MGST3: variants seen among roughly 807,000 people sequenced by gnomAD.
MGST3 encodes the protein glutathione S-transferase 3, mitochondrial.
Under a neutral mutation model 15.8 loss-of-function variants are expected in MGST3, and 13 were observed. That is an observed-to-expected ratio of 0.82 (90% CI 0.54 to 1.31). The LOEUF (loss-of-function observed/expected upper bound fraction) is 1.31, where lower values mean the gene tolerates loss of function less well. Ranked by LOEUF, MGST3 falls within the 50% of genes most tolerant of loss-of-function variation. The probability of loss-of-function intolerance (pLI) is 0.00; values close to 1 mark genes in which losing one functional copy is unlikely to be tolerated. For synonymous variants in MGST3, 49 were observed against 68.1 expected (o/e 0.72, Z 1.38); for missense variants, 155 against 192.4 (o/e 0.81, Z 1.15).
At chr1:165,647,964 G>C (rs1648452612) in intron 1 of MGST3, 1 of 152,222 alleles carries the variant, frequency 6.6e-6, no homozygotes, top group Non-Finnish European at 1.5e-5. Context: ...TTAGGTGGCA[G>C]CTTTATTTTA....
At chr1:165,635,146 G>A (rs1648073448) in intron 1 of MGST3, among the ~76,000 whole-genome samples, 1 of 151,978 alleles carries the variant, frequency 6.6e-6, no homozygotes, top group Admixed American at 6.6e-5. Context: ...AACATCCAGT[G>A]GGTTGTCCCT....
chr1:165,651,325 C>A, intron 3 of MGST3: 1 of 565,084 alleles, frequency 1.8e-6, no homozygotes, highest in Non-Finnish European at 3.2e-6. Context: ...TTCATGGTTG[C>A]ATTACCTACT....
intron 1 of MGST3, chr1:165,632,271 G>T: frequency 6.2e-7 from 1 of 1,612,682 alleles, no homozygotes; most frequent in South Asian, 1.1e-5. Flanking sequence ...TTCCGGCTCT[G>T]CAGGTATGTG....
chr1:165,645,476 A>AT (rs559548562), intron 1 of MGST3, among the ~76,000 whole-genome samples: 1,709 of 151,348 alleles, frequency 0.011, 31 homozygotes, highest in African/African-American at 0.039. Context: ...TACAGTTAAC[A>AT]TTTTTTTTTA....
At chr1:165,632,762 T>A (rs896997733) in intron 1 of MGST3, among the ~76,000 whole-genome samples, 4 of 152,160 alleles carry the variant, frequency 2.6e-5, no homozygotes, top group Admixed American at 6.5e-5. Context: ...TTTCTTCCTG[T>A]TGGCTTAGAG....
At chr1:165,634,770 T>TCCCCCTCCCTCTCCCTCC (rs1648058070) in intron 1 of MGST3, among the ~76,000 whole-genome samples, 2 of 24,768 alleles carry the variant, frequency 8.1e-5, no homozygotes, top group Admixed American at 5.0e-4. Context: ...CCTCCCTCTC[T>TCCCCCTCCCTCTCCCTCC]CTCCCTCCCT....
intron 1 of MGST3, among the ~76,000 whole-genome samples, chr1:165,634,814 G>A (rs1378041164): frequency 4.8e-5 from 1 of 20,948 alleles, no homozygotes; most frequent in East Asian, 1.5e-3. Flanking sequence ...TCTCAACTGT[G>A]TATTCTAGAG....
chr1:165,644,843 C>T (rs9333447), intron 1 of MGST3, among the ~76,000 whole-genome samples: 4,784 of 152,238 alleles, frequency 0.031, 117 homozygotes, highest in Non-Finnish European at 0.043. Context: ...ACTGCAACCT[C>T]CACCTCCCGG....
chr1:165,635,035 T>C (rs1648070413), intron 1 of MGST3, among the ~76,000 whole-genome samples: 1 of 151,990 alleles, frequency 6.6e-6, no homozygotes, highest in East Asian at 1.9e-4. Context: ...TAATGCATTA[T>C]GAGATGTTGT....
intron 1 of MGST3, among the ~76,000 whole-genome samples, chr1:165,645,120 T>C (rs892944486): frequency 4.6e-5 from 7 of 152,094 alleles, no homozygotes; most frequent in African/African-American, 1.7e-4. Flanking sequence ...TTTAAATACT[T>C]TTTTTATTTT....
At chr1:165,644,547 C>T (rs1168666681) in intron 1 of MGST3, among the ~76,000 whole-genome samples, 1 of 152,162 alleles carries the variant, frequency 6.6e-6, no homozygotes. Flanking sequence ...AGGCCTAGGG[C>T]ATTTCTGTAC....
chr1:165,651,198 T>A (rs1186467761), intron 3 of MGST3, 111 bp downstream of exon 3: 1 of 891,992 alleles, frequency 1.1e-6, no homozygotes, highest in Non-Finnish European at 1.9e-6. Flanking sequence ...ATGGTGACAA[T>A]CATGGGCACC....
In MGST3 at chr1:165,632,386, C is replaced by A. The variant is rs9333380; in HGVS notation, c.-8+1093C>A. 1.1e-3 allele frequency: 1,287 copies of A among 1,190,006 alleles called. 27 individuals carry two copies. The East Asian group carries it at 0.027, about 25-fold the overall frequency. The allele number at this position is 1,190,006 out of a possible 1,614,324, so 73.7% of individuals were successfully genotyped here. The stretch of plus-strand genomic sequence containing the variant: ...GGGAAATCTGTAGATCACCTGGAGC[C>A]AGCAGTTCTGGGAGGCACCCCAGGT... On this transcript the variant is annotated intron_variant, in intron 1 of 5. Transcript: ENST00000367889.
intron 1 of MGST3, among the ~76,000 whole-genome samples, chr1:165,637,445 C>T (rs1648143128): frequency 6.6e-6 from 1 of 152,246 alleles, no homozygotes; most frequent in South Asian, 2.1e-4. Context: ...TAAAGCCTGC[C>T]TTTTGCTTTG....
At chr1:165,640,670 C>T (rs1010550635) in intron 1 of MGST3, among the ~76,000 whole-genome samples, 1 of 152,178 alleles carries the variant, frequency 6.6e-6, no homozygotes, top group Non-Finnish European at 1.5e-5. Context: ...AGTTTGAGAA[C>T]CACTGATCTA....
chr1:165,642,197 A>G (rs1035134586), intron 1 of MGST3, among the ~76,000 whole-genome samples: 2 of 152,220 alleles, frequency 1.3e-5, no homozygotes, highest in Non-Finnish European at 2.9e-5. Context: ...TAAAGAACCA[A>G]CCTCTGGCTG....
intron 1 of MGST3, among the ~76,000 whole-genome samples, chr1:165,641,872 G>C (rs1247601636): frequency 6.6e-6 from 1 of 152,120 alleles, no homozygotes; most frequent in Non-Finnish European, 1.5e-5. Flanking sequence ...CCTTAAATAA[G>C]TGACAAAAAC....
At chr1:165,655,142 T>C (rs1648673171) in intron 5 of MGST3, among the ~76,000 whole-genome samples, 1 of 152,214 alleles carries the variant, frequency 6.6e-6, no homozygotes, top group Non-Finnish European at 1.5e-5. Flanking sequence ...GTTGCTGTAA[T>C]TATTATCCCA....
Position 165,655,424 on chromosome 1 carries a change from G to T in MGST3, c.379G>T (p.Gly127Cys). The T allele has an allele frequency of 6.2e-7, 1 of 1,613,980 alleles. No homozygotes were observed. Among genetic ancestry groups the T allele is most frequent in the South Asian group, 1.1e-5 (1 of 91,072 alleles). Residue 127 changes from glycine (G) to cysteine (C), a missense_variant, in exon 6 of 6, where the codon GGC becomes TGC. Transcript: ENST00000367889. ...GTCCATCGCCCTCCTGGGCTTGGTG[G>T]GCACAACTGTGTGCTCTGCTTTCCA... is the stretch of plus-strand genomic sequence containing the variant. ...LGSIALLGLV[G>C]TTVCSAFQHL...
Sources: gnomAD v4.1 joint callset for allele counts (sites outside exome capture counted in the v4.1 genomes callset) on GRCh38, gnomAD v4.1.1 for gene constraint, MANE v1.5 for transcripts, NCBI Gene and HGNC (gene_info 2026-07-23, HGNC 2026-07-21) for gene names.